Variants in DMRT1 observed in about 807,000 individuals in gnomAD.
The protein encoded by DMRT1 is doublesex- and mab-3-related transcription factor 1.
In DMRT1, 7 loss-of-function variants were observed where a neutral mutation model predicts 32.3. That is an observed-to-expected ratio of 0.22 (90% confidence interval 0.12 to 0.41). The LOEUF (loss-of-function observed/expected upper bound fraction) is 0.41, where lower values mean the gene tolerates loss of function less well. Among genes scored for constraint, DMRT1 ranks in the 10% least tolerant of loss-of-function variants. The pLI, the probability that DMRT1 is intolerant of heterozygous loss-of-function variation, is 1.00. For missense variants in DMRT1, 625 were observed against 500.5 expected (o/e 1.25, Z -2.37); for synonymous variants, 278 against 206.1 (o/e 1.35, Z -2.99).
chr9:867,671 C>T (rs752687828), intron 2 of DMRT1, among the ~76,000 whole-genome samples: 9 of 152,126 alleles, frequency 5.9e-5, no homozygotes, highest in Non-Finnish European at 7.3e-5. Context: ...GTCTGTGACC[C>T]ACAGCCCATG....
intron 2 of DMRT1, among the ~76,000 whole-genome samples, chr9:860,914 G>A (rs977192273): frequency 6.6e-6 from 1 of 152,192 alleles, no homozygotes; most frequent in African/African-American, 2.4e-5. Flanking sequence ...GACACCAGTG[G>A]GGTTGTGTCA....
At chr9:849,031 C>T in intron 2 of DMRT1, among the ~76,000 whole-genome samples, 1 of 150,726 alleles carries the variant, frequency 6.6e-6, no homozygotes, top group Non-Finnish European at 1.5e-5. Flanking sequence ...GTAAAGAGGG[C>T]AAGTTCCAGT....
chr9:886,358 C>T (rs1432774899), intron 2 of DMRT1, among the ~76,000 whole-genome samples: 3 of 152,276 alleles, frequency 2.0e-5, no homozygotes, highest in South Asian at 2.1e-4. Context: ...TGGGTTCAAG[C>T]GATTCTCCTG....
intron 4 of DMRT1, among the ~76,000 whole-genome samples, chr9:930,073 G>C (rs1313354646): frequency 6.6e-6 from 1 of 152,138 alleles, no homozygotes; most frequent in Non-Finnish European, 1.5e-5. Flanking sequence ...ATAAACCTAA[G>C]AGGGTGTTTT....
chr9:865,270 T>C (rs1490231631), intron 2 of DMRT1, among the ~76,000 whole-genome samples: 1 of 152,176 alleles, frequency 6.6e-6, no homozygotes, highest in Non-Finnish European at 1.5e-5. Context: ...GAACCTAAGA[T>C]CTGGAGTCAA....
intron 4 of DMRT1, among the ~76,000 whole-genome samples, chr9:963,776 T>G (rs1819848972): frequency 6.6e-6 from 1 of 152,226 alleles, no homozygotes; most frequent in African/African-American, 2.4e-5. Context: ...AAATATATGC[T>G]AAGTGGTATT....
At chr9:852,986 G>A (rs1028319173) in intron 2 of DMRT1, among the ~76,000 whole-genome samples, 4 of 152,204 alleles carry the variant, frequency 2.6e-5, no homozygotes, top group Admixed American at 2.6e-4. Flanking sequence ...CATGAAATGT[G>A]TTCGTTTGAA....
chr9:851,916 G>T (rs1232318069), intron 2 of DMRT1, among the ~76,000 whole-genome samples: 4 of 151,130 alleles, frequency 2.6e-5, no homozygotes, highest in Non-Finnish European at 5.9e-5. Flanking sequence ...GTACCAGCAG[G>T]ATCAGTTGTT....
In DMRT1 at chr9:859,139, C is replaced by T. The variant is rs10977163; in HGVS notation, c.538+11996C>T. Among the ~76,000 whole-genome samples, 8 of 151,966 alleles carry T rather than the reference C, an allele frequency of 5.3e-5. No homozygotes were observed. In the East Asian group the frequency reaches 1.2e-3, roughly 22 times the overall value. On this transcript the variant is annotated intron_variant, in intron 2 of 4. Transcript: ENST00000382276. ...ATCACCTGTAGACTCACATGAGTTA[C>T]GATGATTCCTTTGATCTCTGCCAGC...
chr9:864,334 G>T (rs979448140), intron 2 of DMRT1, among the ~76,000 whole-genome samples: 9 of 150,110 alleles, frequency 6.0e-5, no homozygotes, highest in African/African-American at 2.2e-4. Flanking sequence ...CTGCCGAGTA[G>T]CTGGGATTAA....
At chr9:878,339 C>G (rs575096583) in intron 2 of DMRT1, among the ~76,000 whole-genome samples, 2 of 152,118 alleles carry the variant, frequency 1.3e-5, no homozygotes, top group South Asian at 4.2e-4. Flanking sequence ...GAATGGTGCA[C>G]TCTACTCCAC....
intron 2 of DMRT1, among the ~76,000 whole-genome samples, chr9:869,991 A>T (rs1589476026): frequency 6.6e-6 from 1 of 152,192 alleles, no homozygotes; most frequent in Admixed American, 6.5e-5. Context: ...CCCTGGAGAT[A>T]AACAGTTGAG....
At chr9:867,074 G>A (rs1589471914) in intron 2 of DMRT1, among the ~76,000 whole-genome samples, 1 of 152,186 alleles carries the variant, frequency 6.6e-6, no homozygotes, top group South Asian at 2.1e-4. Context: ...GAGAATAACA[G>A]TCTATAAATA....
chr9:849,653 T>C (rs891094645), intron 2 of DMRT1, among the ~76,000 whole-genome samples: 1 of 152,142 alleles, frequency 6.6e-6, no homozygotes, highest in Non-Finnish European at 1.5e-5. Context: ...CAGAGTCCCT[T>C]CCTCACCTGT....
At position 841,934 on chromosome 9, in the gene DMRT1, C is replaced by T. The variant is rs370275067; in HGVS notation, c.96C>T (p.Gly32=). 47 of 1,604,328 alleles carry T rather than the reference C, an allele frequency of 2.9e-5. No homozygotes were observed. The highest frequency in any genetic ancestry group is 3.6e-5 in the Non-Finnish European group (42 of 1,175,754). ...VPPQGRAGGF[G]KASGALVGAA... ...CGCAGGGCAGAGCCGGGGGCTTTGG[C>T]AAAGCGTCTGGGGCGCTAGTGGGGG... Residue 32 remains glycine (G), a synonymous_variant, in exon 1 of 5, where the codon GGC becomes GGT. Coordinates refer to ENST00000382276, the MANE Select transcript of DMRT1 (RefSeq NM_021951.3).
intron 3 of DMRT1, among the ~76,000 whole-genome samples, chr9:913,081 T>G (rs1186236673): frequency 6.6e-6 from 1 of 152,216 alleles, no homozygotes; most frequent in African/African-American, 2.4e-5. Context: ...TGCTATAGAC[T>G]CATGATCAAC....
chr9:852,201 T>C (rs1815173009), intron 2 of DMRT1, among the ~76,000 whole-genome samples: 1 of 152,048 alleles, frequency 6.6e-6, no homozygotes, highest in Admixed American at 6.6e-5. Flanking sequence ...CCTCCCAAAG[T>C]GCTGGGATTA....
intron 2 of DMRT1, among the ~76,000 whole-genome samples, chr9:849,198 G>A (rs1003654177): frequency 1.3e-5 from 2 of 152,068 alleles, no homozygotes; most frequent in Non-Finnish European, 1.5e-5. Flanking sequence ...TTTATTCCAG[G>A]CCTGTCTGGT....
intron 3 of DMRT1, among the ~76,000 whole-genome samples, chr9:902,517 T>C (rs1817627443): frequency 6.6e-6 from 1 of 151,228 alleles, no homozygotes; most frequent in African/African-American, 2.4e-5. Context: ...GATGGAGTCT[T>C]GCTGTCTTGC....
Sources: gnomAD v4.1 joint callset for allele counts (sites outside exome capture counted in the v4.1 genomes callset) on GRCh38, gnomAD v4.1.1 for gene constraint, MANE v1.5 for transcripts, NCBI Gene and HGNC (gene_info 2026-07-23, HGNC 2026-07-21) for gene names.